MUC5AC: variants seen among roughly 807,000 people sequenced by gnomAD.
MUC5AC encodes the protein mucin 5AC, oligomeric mucus/gel-forming.
Under a neutral mutation model 169.7 loss-of-function variants are expected in MUC5AC, and 158 were observed. The observed-to-expected ratio is 0.93, with a 90% CI of 0.82 to 1.06. MUC5AC has a LOEUF of 1.06. Ranked by LOEUF, MUC5AC falls within the 50% of genes least tolerant of loss-of-function variation. MUC5AC has a pLI of 0.00. For synonymous variants in MUC5AC, 1,975 were observed against 1,237.0 expected (o/e 1.60, Z -12.52); for missense variants, 4,359 against 3,089.9 (o/e 1.41, Z -9.74).
intron 4 of MUC5AC, 124 bp from the exon 5 acceptor site, chr11:1,162,408 C>A: frequency 9.5e-7 from 1 of 1,056,046 alleles, no homozygotes; most frequent in Non-Finnish European, 1.4e-6. Context: ...AGGTCAATGT[C>A]CCCATCCCAG....
Position 1,165,732 on chromosome 11 carries a change from A to T in MUC5AC, c.1358A>T (p.His453Leu), listed in dbSNP as rs774578310. 3 of 1,612,360 alleles carry T rather than the reference A, an allele frequency of 1.9e-6. No homozygotes were observed. Among genetic ancestry groups the T allele is most frequent in the Non-Finnish European group, 2.5e-6 (3 of 1,179,728 alleles). The change falls in exon 11 of 49, where the codon CAC becomes CTC. Residue 453 changes from histidine (H) to leucine (L), a missense_variant. Coordinates refer to ENST00000621226, the MANE Select transcript of MUC5AC (RefSeq NM_001304359.2). ...STFDGKQYTV[H>L]GDCSYVLTKP... is the part of the protein sequence containing the mutation. ...TTTGACGGGAAGCAATACACGGTGCACGGCGACTGCAGCTATGTGCTGACC... is the reference window on the plus strand; with the variant it reads ...TTTGACGGGAAGCAATACACGGTGCTCGGCGACTGCAGCTATGTGCTGACC...
intron 19 of MUC5AC, among the ~76,000 whole-genome samples, chr11:1,175,916 CACTCATGCACACACACTCAT>C (rs1860671936): frequency 1.4e-5 from 2 of 143,890 alleles, no homozygotes; most frequent in Admixed American, 6.9e-5. Flanking sequence ...CACACACACC[CACTCATGCACACACACTCAT>C]ACTCATGCAC....
At chr11:1,175,872 T>C (rs1363685419) in intron 19 of MUC5AC, among the ~76,000 whole-genome samples, 52,904 of 84,584 alleles carry the variant, frequency 0.63, 12,876 homozygotes, top group African/African-American at 0.75. Context: ...CGCTCACACA[T>C]CCACTCATGC....
Position 1,196,894 on chromosome 11 carries a change from G to A in MUC5AC, c.15847G>A (p.Gly5283Arg), listed in dbSNP as rs887447077. Residue 5283 changes from glycine (G) to arginine (R), a missense_variant, in exon 40 of 49, where the codon GGA (glycine) becomes AGA (arginine). By Grantham distance (125) the Gly-to-Arg change is moderately radical (BLOSUM62 -2). Coordinates refer to ENST00000621226, the MANE Select transcript of MUC5AC (RefSeq NM_001304359.2). Reference protein sequence around the residue: ...TGCPRCLGPHGEPVKVGHTVG... With the variant: ...TGCPRCLGPHREPVKVGHTVG... ...CCTTCCAGGGTGTCTGGGGCCCCACGGAGAGCCGGTGAAGGTGAGTGGAAG... is the reference window on the plus strand; with the variant it reads ...CCTTCCAGGGTGTCTGGGGCCCCACAGAGAGCCGGTGAAGGTGAGTGGAAG... 9 of 763,378 alleles carry A rather than the reference G, an allele frequency of 1.2e-5. No homozygotes were observed. Among genetic ancestry groups the A allele is most frequent in the Middle Eastern group, 2.2e-4 (1 of 4,458 alleles). The allele number at this position is 763,378 out of a possible 1,614,324, so 47.3% of individuals were successfully genotyped here. A position where few individuals can be genotyped will look rare whatever the true frequency, so the allele number is the denominator to read the frequency against.
chr11:1,196,326 G>A, intron 37 of MUC5AC, 62 bp from the exon 38 acceptor site: 1 of 754,034 alleles, frequency 1.3e-6, no homozygotes, highest in Non-Finnish European at 2.4e-6. Context: ...GTGCCCAGCG[G>A]CCCGCGTTGC....
chr11:1,200,521 A>T lies in MUC5AC; in HGVS notation c.16784A>T (p.His5595Leu), dbSNP rs970840833. 6.6e-6 allele frequency: 5 copies of T among 759,996 alleles called. No homozygotes were observed. The highest frequency in any genetic ancestry group is 1.2e-5 in the Non-Finnish European group (5 of 415,726). The allele number at this position is 759,996 out of a possible 1,614,324, so 47.1% of individuals were successfully genotyped here. A position where few individuals can be genotyped will look rare whatever the true frequency, so the allele number is the denominator to read the frequency against. The change falls in exon 49 of 49, where the codon CAC becomes CTC. Residue 5595 changes from histidine (H) to leucine (L), a missense_variant. Transcript: ENST00000621226. ...LRTSLRNVTL[H>L]CTDGSSRAFS... ...ACCTCGCTGAGGAATGTGACCCTGC[A>T]CTGCACCGACGGCTCCAGCCGGGCC...
At position 1,175,066 on chromosome 11, in the gene MUC5AC, C is replaced by T; in HGVS notation, c.2277C>T (p.Ser759=). The change falls in exon 18 of 49, where the codon AGC becomes AGT. Residue 759 remains serine, a synonymous_variant. Coordinates refer to ENST00000621226, the MANE Select transcript of MUC5AC (RefSeq NM_001304359.2). ...ACACGGGCAAGTGTGTGCAGGCCAG[C>T]AACTGTCCCTGCTACCACAGAGGCT... is the stretch of plus-strand genomic sequence containing the variant. ...LDDTGKCVQA[S]NCPCYHRGSM... The T allele has an allele frequency of 2.5e-6, 1 of 399,816 alleles. No homozygotes were observed. The highest frequency in any genetic ancestry group is 4.4e-6 in the Non-Finnish European group (1 of 226,798). 24.8% of individuals were successfully genotyped at this position (399,816 alleles called of 1,614,324 possible).
chr11:1,193,293 C>T (rs55713902), intron 32 of MUC5AC, among the ~76,000 whole-genome samples, 192 bp from the exon 33 acceptor site: 1 of 93,192 alleles, frequency 1.1e-5, no homozygotes, highest in Admixed American at 1.3e-4. Flanking sequence ...GGAGCCACTC[C>T]CACACCAGAG....
rs1232786567 is a variant in MUC5AC, at chr11:1,194,609, C to A, written c.15129C>A (p.Gly5043=). ...PELGVQVMFS[G]LIFSVEVPFS... is the part of the protein sequence containing the mutation. ...TGGGAGTCCAGGTCATGTTCTCCGGCCTCATCTTCTCCGTGGAGGTGCCCT... is the reference window on the plus strand; with the variant it reads ...TGGGAGTCCAGGTCATGTTCTCCGGACTCATCTTCTCCGTGGAGGTGCCCT... The change falls in exon 35 of 49, where the codon GGC becomes GGA. Residue 5043 remains glycine, a synonymous_variant. Coordinates refer to ENST00000621226, the MANE Select transcript of MUC5AC (RefSeq NM_001304359.2). The A allele has an allele frequency of 3.9e-6, 3 of 764,550 alleles. No individual in the cohort carries two copies. In the South Asian group the frequency reaches 4.0e-5, roughly 10 times the overall value. The allele number at this position is 764,550 out of a possible 1,614,324, so 47.4% of individuals were successfully genotyped here. A position where few individuals can be genotyped will look rare whatever the true frequency, so the allele number is the denominator to read the frequency against.
rs1860993120 is a variant in MUC5AC, at chr11:1,187,881, A to G, written c.9736A>G (p.Lys3246Glu). The change falls in exon 31 of 49, where the codon AAG (lysine) becomes GAG (glutamate). Residue 3246 changes from lysine to glutamate, a missense_variant. Coordinates refer to ENST00000621226, the MANE Select transcript of MUC5AC (RefSeq NM_001304359.2). Reference sequence around the variant, plus strand: ...ATCCCCTGGACCCCACGGCGGGGACAAGGAAACCTACAACAACATCATCAG... The same window carrying G: ...ATCCCCTGGACCCCACGGCGGGGACGAGGAAACCTACAACAACATCATCAG... ...FPSPGPHGGD[K>E]ETYNNIIRSG... 3.9e-5 allele frequency: 30 copies of G among 761,740 alleles called. No homozygotes were observed. Among genetic ancestry groups the G allele is most frequent in the Middle Eastern group, 2.3e-4 (1 of 4,428 alleles). The allele number at this position is 761,740 out of a possible 1,614,324, so 47.2% of individuals were successfully genotyped here.
intron 26 of MUC5AC, 31 bp downstream of exon 26, chr11:1,179,279 A>G: frequency 1.9e-6 from 1 of 516,024 alleles, no homozygotes; most frequent in South Asian, 2.8e-5. Flanking sequence ...GGGGAAGAAC[A>G]GGAAGCGCCG....
chr11:1,194,876 G>T, intron 35 of MUC5AC, 136 bp from the exon 36 acceptor site: 1 of 618,452 alleles, frequency 1.6e-6, no homozygotes, highest in Middle Eastern at 3.3e-4. Context: ...GTTCTCGGGG[G>T]ACAGTGAGGC....
In MUC5AC at chr11:1,189,405, T is replaced by A. The variant is rs1225903611; in HGVS notation, c.11260T>A (p.Ser3754Thr). ...CTCTGCCCCTACAACCAGCACAACC[T>A]CTGCTCCCACAGCCAGCACAACGTC... is the stretch of plus-strand genomic sequence containing the variant. ...TISAPTTSTT[S>T]APTASTTSAP... is the part of the protein sequence containing the mutation. The change falls in exon 31 of 49, where the codon TCT (serine) becomes ACT (threonine). Residue 3754 changes from serine (S) to threonine (T), a missense_variant. Transcript: ENST00000621226. The A allele has an allele frequency of 1.8e-6, 1 of 568,762 alleles. No homozygotes were observed. The highest frequency in any genetic ancestry group is 3.1e-6 in the Non-Finnish European group (1 of 322,056). The allele number at this position is 568,762 out of a possible 1,614,324, so 35.2% of individuals were successfully genotyped here.
rs1388111763 is a variant in MUC5AC, at chr11:1,200,893, C to T, written c.*191C>T. ...GCCTGGAGGAGGGGCCCTTACCCAC[C>T]CCGCCTGCAGCCACCTCTCAGGACC... is the stretch of plus-strand genomic sequence containing the variant. On this transcript the variant is annotated 3_prime_UTR_variant, in exon 49 of 49. Coordinates refer to ENST00000621226, the MANE Select transcript of MUC5AC (RefSeq NM_001304359.2). 5 of 486,412 alleles carry T rather than the reference C, an allele frequency of 1.0e-5. No individual in the cohort carries two copies. Among genetic ancestry groups the T allele is most frequent in the Non-Finnish European group, 1.8e-5 (5 of 274,202 alleles). The allele number at this position is 486,412 out of a possible 1,614,324, so 30.1% of individuals were successfully genotyped here.
At chr11:1,171,332 CACTCACG>C (rs1860520884) in intron 15 of MUC5AC, among the ~76,000 whole-genome samples, 1 of 132,004 alleles carries the variant, frequency 7.6e-6, no homozygotes, top group African/African-American at 2.9e-5. Context: ...CTCACTCACT[CACTCACG>C]CATTCACTCA....
Position 1,186,508 on chromosome 11 carries a change from C to A in MUC5AC, c.8363C>A (p.Thr2788Lys). 1.4e-6 allele frequency: 1 copy of A among 695,734 alleles called. No individual in the cohort carries two copies. The highest frequency in any genetic ancestry group is 2.6e-6 in the Non-Finnish European group (1 of 380,942). 43.1% of individuals were successfully genotyped at this position (695,734 alleles called of 1,614,324 possible). A position where few individuals can be genotyped will look rare whatever the true frequency, so the allele number is the denominator to read the frequency against. The change falls in exon 31 of 49, where the codon ACA becomes AAA. Residue 2788 changes from threonine (T) to lysine (K), a missense_variant. Thr to Lys is a moderately conservative substitution (Grantham distance 78, BLOSUM62 -1). Transcript: ENST00000621226. ...ACAATCTCTGCCCCTACAACCAGCA[C>A]AACTTTGTCTCCTACAACCAGCACA... is the stretch of plus-strand genomic sequence containing the variant. ...TSTISAPTTS[T>K]TLSPTTSTTS...
At position 1,182,196 on chromosome 11, in the gene MUC5AC, G is replaced by T. The variant is rs961798989; in HGVS notation, c.4051G>T (p.Ala1351Ser). Residue 1351 changes from alanine to serine, a missense_variant, in exon 31 of 49, where the codon GCG becomes TCG. Transcript: ENST00000621226. ...THTPSNGPSS[A>S]HTGPPSSAWP... ...CACCCCCAGCAATGGCCCAAGCAGC[G>T]CGCACACAGGCCCTCCGAGCAGCGC... 1.0e-5 allele frequency: 4 copies of T among 398,706 alleles called. No homozygotes were observed. Among genetic ancestry groups the T allele is most frequent in the Admixed American group, 4.4e-5 (1 of 22,742 alleles). 24.7% of individuals were successfully genotyped at this position (398,706 alleles called of 1,614,324 possible).
intron 19 of MUC5AC, among the ~76,000 whole-genome samples, chr11:1,175,732 GCA>G (rs1288978247): frequency 6.3e-5 from 7 of 110,246 alleles, no homozygotes; most frequent in East Asian, 3.0e-4. Context: ...ACCCACTCAT[GCA>G]CACACACCGT....
intron 26 of MUC5AC, among the ~76,000 whole-genome samples, 189 bp downstream of exon 26, chr11:1,179,437 GA>G (rs1423879035): frequency 6.6e-6 from 1 of 151,392 alleles, no homozygotes; most frequent in Non-Finnish European, 1.5e-5. Flanking sequence ...GTTCTGGGCA[GA>G]GGGGTCAGCA....
Sources: allele counts gnomAD v4.1 joint callset (sites outside exome capture counted in the v4.1 genomes callset), GRCh38; gene constraint gnomAD v4.1.1; transcripts MANE v1.5; gene names NCBI Gene and HGNC (gene_info 2026-07-23, HGNC 2026-07-21).